The following COL4A5 variants were observed in gnomAD, a reference collection of about 807,000 sequenced individuals.
COL4A5 encodes the protein collagen type IV alpha 5 chain, also known as collagen alpha-5(IV) chain.
COL4A5 carries 26 observed loss-of-function variants against 130.2 expected under a neutral mutation model. The observed-to-expected ratio is 0.20, with a 90% confidence interval of 0.15 to 0.28. The LOEUF is 0.28. COL4A5 is among the 10% of genes least tolerant of loss of function. The pLI is 1.00. For missense variants in COL4A5, 1,131 were observed against 1,344.3 expected, an observed-to-expected ratio of 0.84 and a Z score of 2.48; for synonymous variants, 496 against 439.6, an observed-to-expected ratio of 1.13 and a Z score of -1.60.
chrX:108,584,073 T>TA (rs56676245), intron 17 of COL4A5, among the ~76,000 whole-genome samples: 7,590 of 57,424 alleles, frequency 0.13, 1,303 homozygotes, highest in African/African-American at 0.42. Context: ...TGGCTAAATG[T>TA]AAAAAAAAAA....
chrX:108,615,621 A>G (rs1297689547), intron 30 of COL4A5, among the ~76,000 whole-genome samples: 4 of 111,440 alleles, frequency 3.6e-5, no homozygotes, highest in South Asian at 3.8e-4. Flanking sequence ...GTTTGCCTCT[A>G]TAGATAGGAA....
chrX:108,506,756 G>T (rs2065127962), intron 1 of COL4A5, among the ~76,000 whole-genome samples: 1 of 109,869 alleles, frequency 9.1e-6, no homozygotes, highest in Admixed American at 9.7e-5. Flanking sequence ...CGGGGGTTGG[G>T]GACTCCTAAG....
At chrX:108,546,011 T>G (rs1046624441) in intron 2 of COL4A5, among the ~76,000 whole-genome samples, 2 of 111,973 alleles carry the variant, frequency 1.8e-5, no homozygotes, top group African/African-American at 6.5e-5. Context: ...TCTCTGCACA[T>G]GAGATGGGTC....
intron 1 of COL4A5, among the ~76,000 whole-genome samples, chrX:108,473,189 AAT>A (rs1047131879): frequency 1.8e-5 from 2 of 111,975 alleles, no homozygotes; most frequent in African/African-American, 6.5e-5. Flanking sequence ...TATAGTATGT[AAT>A]ATAATAAGTC....
chrX:108,626,535 C>T, intron 36 of COL4A5, 186 bp downstream of exon 36: 13 of 1,142,056 alleles, frequency 1.1e-5, no homozygotes, highest in Non-Finnish European at 1.3e-5. Flanking sequence ...GTGGCCAGTC[C>T]AAAATAAAAA....
chrX:108,643,727 G>T (rs2067514937), intron 36 of COL4A5, among the ~76,000 whole-genome samples: 1 of 111,995 alleles, frequency 8.9e-6, no homozygotes, highest in South Asian at 3.7e-4. Context: ...TCTAAAACTT[G>T]AAACAAATCC....
chrX:108,506,387 T>C (rs371079355), intron 1 of COL4A5, among the ~76,000 whole-genome samples: 62 of 89,926 alleles, frequency 6.9e-4, no homozygotes, highest in Non-Finnish European at 1.2e-3. Context: ...TATCTATCTA[T>C]CTACCTACCT....
At chrX:108,511,156 A>C (rs2065176765) in intron 1 of COL4A5, among the ~76,000 whole-genome samples, 1 of 111,630 alleles carries the variant, frequency 9.0e-6, no homozygotes, top group South Asian at 3.7e-4. Context: ...TCTACTTAAT[A>C]TTTTAATATG....
In COL4A5 at chrX:108,694,414, A is replaced by T. The variant is rs376657169; in HGVS notation, c.4707-393A>T. 1.0e-4 allele frequency: 20 copies of T among 197,723 alleles called. No individual in the cohort carries two copies. The East Asian group carries it at 2.2e-3, about 22-fold the overall frequency. 16.3% of individuals were successfully genotyped at this position (197,723 alleles called of 1,213,427 possible). ...TCTTATATTTTCCAGTCTTTCTGAC[A>T]TTGTTCTTACCACAGTTTCAGCATT... On this transcript the variant is annotated intron_variant, in intron 50 of 52. Coordinates refer to ENST00000328300, the MANE Select transcript of COL4A5 (RefSeq NM_033380.3).
chrX:108,488,462 T>G (rs897076324), intron 1 of COL4A5, among the ~76,000 whole-genome samples: 1 of 112,373 alleles, frequency 8.9e-6, no homozygotes. Flanking sequence ...ATGGAGCTGT[T>G]GGGTTGGATA....
At chrX:108,483,543 G>T (rs1302630516) in intron 1 of COL4A5, among the ~76,000 whole-genome samples, 1 of 111,341 alleles carries the variant, frequency 9.0e-6, no homozygotes, top group Non-Finnish European at 1.9e-5. Context: ...ATCTCTTTTG[G>T]CAATACCCTC....
At chrX:108,556,813 C>A (rs190477466) in intron 2 of COL4A5, among the ~76,000 whole-genome samples, 67 of 111,065 alleles carry the variant, frequency 6.0e-4, no homozygotes, top group African/African-American at 2.1e-3. Context: ...AACCTTAGTA[C>A]CTTTCAAAGG....
At chrX:108,525,543 C>T (rs2065303784) in intron 1 of COL4A5, among the ~76,000 whole-genome samples, 1 of 111,020 alleles carries the variant, frequency 9.0e-6, no homozygotes. Flanking sequence ...CTATGTATCT[C>T]ATGGTTTTTT....
At chrX:108,588,895 A>C (rs2053209370) in intron 19 of COL4A5, among the ~76,000 whole-genome samples, 1 of 111,649 alleles carries the variant, frequency 9.0e-6, no homozygotes, top group African/African-American at 3.2e-5. Context: ...CTATCATCCT[A>C]ATGTGAAGAT....
At chrX:108,575,997 T>A in intron 10 of COL4A5, 25 bp downstream of exon 10, 2 of 971,669 alleles carry the variant, frequency 2.1e-6, no homozygotes, top group Non-Finnish European at 2.9e-6. Context: ...TTAATTTAAT[T>A]TCCCCCCCTT....
intron 36 of COL4A5, among the ~76,000 whole-genome samples, chrX:108,641,353 T>C (rs917303147): frequency 9.1e-6 from 1 of 110,474 alleles, no homozygotes; most frequent in Non-Finnish European, 1.9e-5. Flanking sequence ...CCAGAGAAAA[T>C]TGAGGAGAGT....
chrX:108,693,697 A>G (rs2068676227), intron 50 of COL4A5: 2 of 111,416 alleles, frequency 1.8e-5, no homozygotes, highest in South Asian at 3.8e-4. Context: ...GGGTACATGT[A>G]TCACATTATT....
At chrX:108,626,025 C>A (rs1027848740) in intron 35 of COL4A5, among the ~76,000 whole-genome samples, 185 bp from the exon 36 acceptor site, 1 of 111,783 alleles carries the variant, frequency 8.9e-6, no homozygotes, top group Non-Finnish European at 1.9e-5. Context: ...TCCAGCTATA[C>A]CCCCTTTTAT....
chrX:108,463,961 A>G (rs2064678526), intron 1 of COL4A5, among the ~76,000 whole-genome samples: 1 of 111,842 alleles, frequency 8.9e-6, no homozygotes, highest in Non-Finnish European at 1.9e-5. Flanking sequence ...CTCTAACGTT[A>G]CTATGGCACT....
Sources: gnomAD v4.1 joint callset for allele counts (sites outside exome capture counted in the v4.1 genomes callset) on GRCh38, gnomAD v4.1.1 for gene constraint, MANE v1.5 for transcripts, NCBI Gene and HGNC (gene_info 2026-07-23, HGNC 2026-07-21) for gene names.